EGFLAM: variants seen among roughly 807,000 people sequenced by gnomAD.
EGFLAM encodes EGF like, fibronectin type III and laminin G domains.
Under a neutral mutation model 113.1 loss-of-function variants are expected in EGFLAM, and 79 were observed. The observed-to-expected ratio is 0.70, with a 90% CI of 0.58 to 0.84. The LOEUF (loss-of-function observed/expected upper bound fraction) is 0.84, where lower values mean the gene tolerates loss of function less well. EGFLAM is among the 40% of genes least tolerant of loss of function. The pLI, the probability that EGFLAM is intolerant of heterozygous loss-of-function variation, is 0.00. For synonymous variants in EGFLAM, 504 were observed against 487.6 expected (o/e 1.03, Z -0.44); for missense variants, 1,265 against 1,291.6 (o/e 0.98, Z 0.32).
chr5:38,276,260 A>G (rs570576337), intron 1 of EGFLAM, among the ~76,000 whole-genome samples: 31 of 152,330 alleles, frequency 2.0e-4, no homozygotes, highest in African/African-American at 6.7e-4. Flanking sequence ...CCATGATTCA[A>G]TTATCTCCCA....
At chr5:38,329,874 C>T (rs978172320) in intron 1 of EGFLAM, among the ~76,000 whole-genome samples, 1 of 152,086 alleles carries the variant, frequency 6.6e-6, no homozygotes, top group African/African-American at 2.4e-5. Context: ...TCATCATTAA[C>T]GTAGAGACTG....
At chr5:38,265,501 G>A (rs953579936) in intron 1 of EGFLAM, among the ~76,000 whole-genome samples, 12 of 152,356 alleles carry the variant, frequency 7.9e-5, no homozygotes, top group African/African-American at 2.4e-4. Context: ...ACATCTTAGA[G>A]ATGCACCTGC....
At chr5:38,293,093 GC>G (rs1378137504) in intron 1 of EGFLAM, among the ~76,000 whole-genome samples, 28 of 152,186 alleles carry the variant, frequency 1.8e-4, no homozygotes, top group African/African-American at 6.8e-4. Flanking sequence ...AAATGCTATT[GC>G]CTGAGAACTC....
chr5:38,416,541 T>G (rs1360106374), intron 11 of EGFLAM, among the ~76,000 whole-genome samples: 2 of 152,198 alleles, frequency 1.3e-5, no homozygotes, highest in Non-Finnish European at 2.9e-5. Context: ...AACCCTCATC[T>G]GAAATGTAAA....
At chr5:38,406,371 G>T in intron 7 of EGFLAM, 130 bp downstream of exon 7, 2 of 778,466 alleles carry the variant, frequency 2.6e-6, no homozygotes, top group South Asian at 3.5e-5. Flanking sequence ...ACACTGATTT[G>T]TTTTGTCTGA....
chr5:38,383,831 A>G (rs1392513558), intron 6 of EGFLAM, among the ~76,000 whole-genome samples: 1 of 151,844 alleles, frequency 6.6e-6, no homozygotes, highest in Non-Finnish European at 1.5e-5. Flanking sequence ...CTCCACGTGG[A>G]GGGAGTGACA....
chr5:38,350,442 A>T, intron 3 of EGFLAM, 59 bp from the exon 4 acceptor site: 2 of 1,526,392 alleles, frequency 1.3e-6, no homozygotes, highest in Non-Finnish European at 1.8e-6. Flanking sequence ...TGGAAATTGT[A>T]CAATTTGCCC....
intron 14 of EGFLAM, 69 bp from the exon 15 acceptor site, chr5:38,431,108 A>G: frequency 2.3e-6 from 3 of 1,326,768 alleles, no homozygotes; most frequent in Non-Finnish European, 3.2e-6. Flanking sequence ...ATGTTGTACC[A>G]GCTATCTGGG....
At chr5:38,353,763 C>A (rs935206608) in intron 5 of EGFLAM, among the ~76,000 whole-genome samples, 1 of 152,208 alleles carries the variant, frequency 6.6e-6, no homozygotes, top group African/African-American at 2.4e-5. Context: ...CAGTCTGACT[C>A]CATGCGCCTC....
chr5:38,462,767 T>G, intron 20 of EGFLAM, 141 bp from the exon 21 acceptor site: 1 of 950,156 alleles, frequency 1.1e-6, no homozygotes, highest in Non-Finnish European at 1.6e-6. Flanking sequence ...CTTTTTGCTT[T>G]GATTTCTGCA....
In EGFLAM at chr5:38,385,224, A is replaced by T. The variant is rs2112072495; in HGVS notation, c.712+14762A>T. 2.6e-5 allele frequency among the ~76,000 whole-genome samples: 4 copies of T among 151,430 alleles called. 1 individual carries two copies. The highest frequency in any genetic ancestry group is 2.6e-4 in the Admixed American group (4 of 15,238). On this transcript the variant is annotated intron_variant, in intron 6 of 21. Coordinates refer to ENST00000322350, the MANE Select transcript of EGFLAM (RefSeq NM_152403.4). ...TTGCAACCTAGTACACACAAACATA[A>T]ACAGTCATTTCTCTGTATTCATGGA... is the stretch of plus-strand genomic sequence containing the variant.
In EGFLAM at chr5:38,422,408, C is replaced by T. The variant is rs930379980; in HGVS notation, c.1685-2559C>T. On this transcript the variant is annotated intron_variant, in intron 12 of 21. Coordinates refer to ENST00000322350, the MANE Select transcript of EGFLAM (RefSeq NM_152403.4). ...CTTCCTGGCTGCCCTGGGCCCTCGC[C>T]GCCAGGTTCTCTCTTCTCAGTAGCC... Among the ~76,000 whole-genome samples the T allele has an allele frequency of 4.6e-5, 7 of 152,294 alleles. No homozygotes were observed. In the South Asian group the frequency reaches 6.2e-4, roughly 14 times the overall value.
chr5:38,333,551 A>G (rs1490543531), intron 1 of EGFLAM, among the ~76,000 whole-genome samples: 2 of 152,256 alleles, frequency 1.3e-5, no homozygotes, highest in South Asian at 2.1e-4. Context: ...TCTAATGATC[A>G]GTGATGTTGA....
At chr5:38,301,268 C>T (rs536147391) in intron 1 of EGFLAM, among the ~76,000 whole-genome samples, 32 of 152,102 alleles carry the variant, frequency 2.1e-4, no homozygotes, top group Admixed American at 1.8e-3. Context: ...GAGGGTTTCC[C>T]AAGGAAACCT....
At chr5:38,395,976 A>G (rs1740949342) in intron 6 of EGFLAM, among the ~76,000 whole-genome samples, 1 of 150,964 alleles carries the variant, frequency 6.6e-6, no homozygotes, top group African/African-American at 2.4e-5. Context: ...GCCTCTCCTT[A>G]TGCTCACAAC....
intron 19 of EGFLAM, among the ~76,000 whole-genome samples, chr5:38,453,550 G>T (rs889741723): frequency 5.9e-5 from 9 of 152,174 alleles, no homozygotes; most frequent in Admixed American, 2.6e-4. Flanking sequence ...CTCATATGTA[G>T]TTGAGGCTGG....
At chr5:38,333,325 G>A (rs1739094435) in intron 1 of EGFLAM, among the ~76,000 whole-genome samples, 1 of 152,192 alleles carries the variant, frequency 6.6e-6, no homozygotes, top group Admixed American at 6.5e-5. Flanking sequence ...CCAGTAATGG[G>A]ATTGCTGGGT....
At chr5:38,414,063 A>G (rs933344063) in intron 11 of EGFLAM, among the ~76,000 whole-genome samples, 2 of 152,224 alleles carry the variant, frequency 1.3e-5, no homozygotes, top group East Asian at 1.9e-4. Flanking sequence ...ACAGACTGGT[A>G]TGGGTCCATG....
At chr5:38,383,623 G>A (rs926277519) in intron 6 of EGFLAM, among the ~76,000 whole-genome samples, 14 of 152,092 alleles carry the variant, frequency 9.2e-5, no homozygotes, top group African/African-American at 2.4e-4. Context: ...TAGTGTCTCC[G>A]CCCTCATGAG....
Sources: gnomAD v4.1 joint callset for allele counts (sites outside exome capture counted in the v4.1 genomes callset) on GRCh38, gnomAD v4.1.1 for gene constraint, MANE v1.5 for transcripts, NCBI Gene and HGNC (gene_info 2026-07-23, HGNC 2026-07-21) for gene names.